WDFY2: variants seen among roughly 807,000 people sequenced by gnomAD.
WDFY2 encodes WD repeat and FYVE domain-containing protein 2.
A neutral mutation model predicts 56.4 loss-of-function variants in WDFY2; 36 were observed. That is an observed-to-expected ratio of 0.64 (90% CI 0.49 to 0.84). WDFY2 has a LOEUF of 0.84. Among genes scored for constraint, WDFY2 ranks in the 40% least tolerant of loss-of-function variants. WDFY2 has a pLI of 0.00. For synonymous variants in WDFY2, 176 were observed against 183.7 expected, an observed-to-expected ratio of 0.96 and a Z score of 0.34; for missense variants, 444 against 512.2, an observed-to-expected ratio of 0.87 and a Z score of 1.29.
chr13:51,747,470 C>G (rs1953129582), intron 7 of WDFY2, among the ~76,000 whole-genome samples: 1 of 152,212 alleles, frequency 6.6e-6, no homozygotes, highest in Admixed American at 6.5e-5. Context: ...ACAGTTATTC[C>G]CATTTACTCT....
At chr13:51,620,137 CTT>C (rs1033575345) in intron 1 of WDFY2, among the ~76,000 whole-genome samples, 59 of 128,730 alleles carry the variant, frequency 4.6e-4, no homozygotes, top group Admixed American at 3.0e-3. Flanking sequence ...AATTTAATAA[CTT>C]TTAGATAAAT....
At chr13:51,746,979 A>G (rs1473768356) in intron 7 of WDFY2, among the ~76,000 whole-genome samples, 1 of 152,270 alleles carries the variant, frequency 6.6e-6, no homozygotes, top group Non-Finnish European at 1.5e-5. Flanking sequence ...TCCTGACTCA[A>G]TCCGCTGGCA....
Position 51,650,705 on chromosome 13 carries a change from C to A in WDFY2, c.138-9891C>A, listed in dbSNP as rs181000650. On this transcript the variant is annotated intron_variant, in intron 1 of 11. Coordinates refer to ENST00000298125, the MANE Select transcript of WDFY2 (RefSeq NM_052950.4). ...TTTTATCGTTGGTTCTGTTTATATG[C>A]TGGATTACGTTAATTGATTTGCGTA... Among the ~76,000 whole-genome samples, 5 of 152,224 alleles carry A rather than the reference C, an allele frequency of 3.3e-5. No individual in the cohort carries two copies. The East Asian group carries it at 9.7e-4, about 29-fold the overall frequency.
At chr13:51,604,133 A>G (rs939327921) in intron 1 of WDFY2, among the ~76,000 whole-genome samples, 5 of 152,218 alleles carry the variant, frequency 3.3e-5, no homozygotes, top group African/African-American at 7.2e-5. Flanking sequence ...TAAACTCTAC[A>G]GGACCAAGCA....
intron 9 of WDFY2, 120 bp downstream of exon 9, chr13:51,755,579 G>A: frequency 8.0e-6 from 7 of 874,318 alleles, no homozygotes; most frequent in Non-Finnish European, 1.1e-5. Context: ...TTATCCTGGA[G>A]TCACCTCGTG....
intron 9 of WDFY2, 90 bp from the exon 10 acceptor site, chr13:51,756,242 A>G: frequency 6.6e-7 from 1 of 1,526,324 alleles, no homozygotes; most frequent in Non-Finnish European, 8.8e-7. Context: ...GATGCAGTTG[A>G]TTACACCTCT....
chr13:51,607,184 G>GATCAGGGTTAGTGACTT (rs1402634127), intron 1 of WDFY2, among the ~76,000 whole-genome samples: 2 of 152,122 alleles, frequency 1.3e-5, no homozygotes, highest in Non-Finnish European at 2.9e-5. Flanking sequence ...AAGTATCTCT[G>GATCAGGGTTAGTGACTT]AAATCAGGGT....
intron 5 of WDFY2, among the ~76,000 whole-genome samples, chr13:51,724,939 C>T (rs755749943): frequency 6.6e-6 from 1 of 152,210 alleles, no homozygotes; most frequent in African/African-American, 2.4e-5. Context: ...CTCAACATGT[C>T]TCAAGTTCAT....
At chr13:51,630,447 G>A (rs1205925698) in intron 1 of WDFY2, among the ~76,000 whole-genome samples, 1 of 150,456 alleles carries the variant, frequency 6.6e-6, no homozygotes, top group Non-Finnish European at 1.5e-5. Flanking sequence ...GTTTTAAACT[G>A]GTAGAGTTCC....
chr13:51,724,439 A>G (rs934802326), intron 5 of WDFY2, among the ~76,000 whole-genome samples: 2 of 152,014 alleles, frequency 1.3e-5, no homozygotes, highest in African/African-American at 4.8e-5. Flanking sequence ...GGGTTTCACT[A>G]TGTTGGCCAG....
intron 2 of WDFY2, among the ~76,000 whole-genome samples, chr13:51,661,532 C>A (rs907543945): frequency 6.6e-6 from 1 of 152,134 alleles, no homozygotes; most frequent in African/African-American, 2.4e-5. Flanking sequence ...ATATAAGTAT[C>A]CCAGTCTCAG....
intron 1 of WDFY2, among the ~76,000 whole-genome samples, chr13:51,611,570 A>C (rs2138335949): frequency 6.6e-6 from 1 of 152,290 alleles, no homozygotes; most frequent in East Asian, 1.9e-4. Flanking sequence ...GGGGTTCACA[A>C]CACTGTTGGT....
At chr13:51,656,581 GTC>G (rs1247875693) in intron 1 of WDFY2, among the ~76,000 whole-genome samples, 1 of 151,878 alleles carries the variant, frequency 6.6e-6, no homozygotes. Context: ...GTAAGTGAAA[GTC>G]TCCAATTATT....
At chr13:51,628,470 A>T (rs772129115) in intron 1 of WDFY2, among the ~76,000 whole-genome samples, 2 of 152,156 alleles carry the variant, frequency 1.3e-5, no homozygotes, top group African/African-American at 4.8e-5. Context: ...GAGTCCAGGG[A>T]TGCTCGTGTC....
intron 1 of WDFY2, among the ~76,000 whole-genome samples, chr13:51,621,682 A>G (rs1401861238): frequency 1.3e-5 from 2 of 152,168 alleles, no homozygotes; most frequent in African/African-American, 4.8e-5. Flanking sequence ...ACCTCTCTGA[A>G]AGTTTTAAAG....
At position 51,668,929 on chromosome 13, in the gene WDFY2, T is replaced by C. The variant is rs1955760423; in HGVS notation, c.206-6241T>C. On this transcript the variant is annotated intron_variant, in intron 2 of 11. Transcript: ENST00000298125. Reference sequence around the variant, plus strand: ...TACATTAGTCATAAAATGAAAGAATTATTGGTGTACGTAACAGAAATTAGA... The same window carrying C: ...TACATTAGTCATAAAATGAAAGAATCATTGGTGTACGTAACAGAAATTAGA... 2.0e-5 allele frequency among the ~76,000 whole-genome samples: 3 copies of C among 152,238 alleles called. No individual in the cohort carries two copies. The South Asian group carries it at 6.2e-4, about 32-fold the overall frequency.
intron 7 of WDFY2, among the ~76,000 whole-genome samples, chr13:51,739,521 AATTT>A (rs1952917539): frequency 6.6e-6 from 1 of 152,176 alleles, no homozygotes; most frequent in South Asian, 2.1e-4. Context: ...AGGCTTACAA[AATTT>A]ATATAATTGA....
intron 1 of WDFY2, among the ~76,000 whole-genome samples, chr13:51,595,897 T>A (rs1200550374): frequency 6.6e-6 from 1 of 152,132 alleles, no homozygotes; most frequent in African/African-American, 2.4e-5. Flanking sequence ...CTGGAGGCAT[T>A]TTTTTGGGGG....
chr13:51,734,150 C>G (rs768379220), intron 6 of WDFY2, among the ~76,000 whole-genome samples: 34 of 152,146 alleles, frequency 2.2e-4, no homozygotes, highest in Non-Finnish European at 4.3e-4. Flanking sequence ...CTGGGAAAGG[C>G]AGACCCAGCA....
Sources: gnomAD v4.1 joint callset for allele counts (sites outside exome capture counted in the v4.1 genomes callset) on GRCh38, gnomAD v4.1.1 for gene constraint, MANE v1.5 for transcripts, NCBI Gene and HGNC (gene_info 2026-07-23, HGNC 2026-07-21) for gene names.